The following ACACB variants were observed in gnomAD, a reference collection of about 807,000 sequenced individuals.
ACACB encodes the protein acetyl-CoA carboxylase beta.
Under a neutral mutation model 278.8 loss-of-function variants are expected in ACACB, and 209 were observed. That is an observed-to-expected ratio of 0.75 (90% confidence interval 0.67 to 0.84). ACACB has a LOEUF of 0.84. ACACB is among the 40% of genes least tolerant of loss of function. The probability of loss-of-function intolerance (pLI) is 0.00; values close to 1 mark genes in which losing one functional copy is unlikely to be tolerated. For synonymous variants in ACACB, 1,174 were observed against 1,285.6 expected (o/e 0.91, Z 1.86); for missense variants, 2,850 against 3,269.0 (o/e 0.87, Z 3.13).
Position 109,245,718 on chromosome 12 carries a change from G to A in ACACB, c.5271G>A (p.Val1757=), listed in dbSNP as rs1326290163. ...TGTTGGACTCTCAGGGCCAGCTGGTGGAGATGAACCGACTTCCTGGTGGAA... is the reference window on the plus strand; with the variant it reads ...TGTTGGACTCTCAGGGCCAGCTGGTAGAGATGAACCGACTTCCTGGTGGAA... ...ELVLDSQGQL[V]EMNRLPGGNE... Residue 1757 remains valine (V), a synonymous_variant, in exon 38 of 53, where the codon GTG becomes GTA. Transcript: ENST00000338432. 6 of 1,614,172 alleles carry A rather than the reference G, an allele frequency of 3.7e-6. No individual in the cohort carries two copies. In the African/African-American group the frequency reaches 5.3e-5, roughly 14 times the overall value.
intron 1 of ACACB, among the ~76,000 whole-genome samples, chr12:109,128,956 T>C (rs1254870279): frequency 6.6e-6 from 1 of 151,952 alleles, no homozygotes; most frequent in African/African-American, 2.4e-5. Flanking sequence ...AAATTATTAA[T>C]TGACAAATAA....
At chr12:109,194,425 A>AG (rs1423527437) in intron 16 of ACACB, among the ~76,000 whole-genome samples, 16 of 152,068 alleles carry the variant, frequency 1.1e-4, no homozygotes, top group Admixed American at 9.8e-4. Flanking sequence ...TGAACTCCTG[A>AG]GCTCAAGTGA....
rs535109760 is a variant in ACACB at position 109,231,056 on chromosome 12, A to G, written c.4002-1613A>G. ...ATGAGGAATAAAGTCTATCCCCAAG[A>G]TGGCCTGGCTTGGCCCTCAACACTT... On this transcript the variant is annotated intron_variant, in intron 28 of 52. Coordinates refer to ENST00000338432, the MANE Select transcript of ACACB (RefSeq NM_001093.4). Among the ~76,000 whole-genome samples, 174 of 152,190 alleles carry G rather than the reference A, an allele frequency of 1.1e-3. No homozygotes were observed. In the South Asian group the frequency reaches 0.018, roughly 16 times the overall value.
intron 48 of ACACB, 132 bp from the exon 49 acceptor site, chr12:109,262,225 T>G (rs866662270): frequency 1.5e-6 from 1 of 655,208 alleles, no homozygotes; most frequent in Middle Eastern, 4.2e-4. Flanking sequence ...ACAGCATGTG[T>G]GGGGGTAAAA....
chr12:109,186,158 T>C (rs566956433), intron 12 of ACACB, among the ~76,000 whole-genome samples: 96 of 152,206 alleles, frequency 6.3e-4, no homozygotes, highest in African/African-American at 2.1e-3. Flanking sequence ...CTGGAACTCC[T>C]GACCTTGAGT....
intron 4 of ACACB, among the ~76,000 whole-genome samples, chr12:109,170,790 T>C (rs74480485): frequency 1.5e-5 from 2 of 137,158 alleles, no homozygotes; most frequent in Admixed American, 1.4e-4. Context: ...AAATTTTGTG[T>C]GTGTTTTTTT....
rs928988706 is a variant in ACACB at position 109,158,198 on chromosome 12, G to A, written c.654-8663G>A. Among the ~76,000 whole-genome samples the A allele has an allele frequency of 4.6e-5, 7 of 152,230 alleles. No individual in the cohort carries two copies. The South Asian group carries it at 8.3e-4, about 18-fold the overall frequency. On this transcript the variant is annotated intron_variant, in intron 2 of 52. Transcript: ENST00000338432. ...CCAGACAGTAAATATTTTTGGCTTT[G>A]TGGCCATGTGGTCTCTGTTGTAACT...
At chr12:109,221,345 G>T (rs117578061) in intron 24 of ACACB, among the ~76,000 whole-genome samples, 7,245 of 152,228 alleles carry the variant, frequency 0.048, 227 homozygotes, top group Non-Finnish European at 0.073. Flanking sequence ...GGGAATGGGG[G>T]CATATTGCTC....
intron 45 of ACACB, among the ~76,000 whole-genome samples, chr12:109,257,983 G>A (rs1205182690): frequency 4.6e-5 from 7 of 152,210 alleles, no homozygotes; most frequent in Non-Finnish European, 1.0e-4. Flanking sequence ...AGTGCAGATG[G>A]AGAACGTGGC....
intron 20 of ACACB, 107 bp from the exon 21 acceptor site, chr12:109,209,058 G>A: frequency 7.8e-7 from 1 of 1,282,282 alleles, no homozygotes; most frequent in Non-Finnish European, 1.1e-6. Flanking sequence ...TCAGCCACTT[G>A]AGTGCATGGG....
At chr12:109,263,829 C>A (rs932550427) in intron 49 of ACACB, 6 of 156,964 alleles carry the variant, frequency 3.8e-5, no homozygotes, top group Non-Finnish European at 5.6e-5. Context: ...TTATAATATT[C>A]CCTTATCATA....
At position 109,262,442 on chromosome 12, in the gene ACACB, G is replaced by C. The variant is rs921895997; in HGVS notation, c.6760G>C (p.Ala2254Pro). The change falls in exon 49 of 53, where the codon GCT (alanine) becomes CCT (proline). Residue 2254 changes from alanine to proline, a missense_variant. Ala to Pro is a conservative substitution (Grantham distance 27, BLOSUM62 -1). Transcript: ENST00000338432. Reference protein sequence around the residue: ...LIKSMRRIDPAYKKLMEQLGE... With the variant: ...LIKSMRRIDPPYKKLMEQLGE... ...AAAGTCCATGAGAAGGATCGATCCAGCTTACAAGAAGCTCATGGAACAGCT... is the reference window on the plus strand; with the variant it reads ...AAAGTCCATGAGAAGGATCGATCCACCTTACAAGAAGCTCATGGAACAGCT... The C allele has an allele frequency of 6.2e-7, 1 of 1,613,614 alleles. No homozygotes were observed. The highest frequency in any genetic ancestry group is 1.7e-5 in the Admixed American group (1 of 59,962).
intron 13 of ACACB, among the ~76,000 whole-genome samples, chr12:109,189,654 G>A (rs16934151): frequency 0.014 from 2,162 of 152,288 alleles, 64 homozygotes; most frequent in African/African-American, 0.049. Flanking sequence ...TGAGACCAGC[G>A]GGTTAACTCT....
chr12:109,190,860 A>T (rs2044850524), intron 13 of ACACB, among the ~76,000 whole-genome samples: 1 of 151,876 alleles, frequency 6.6e-6, no homozygotes. Flanking sequence ...CTCATGCCTC[A>T]AGCAATCCTC....
chr12:109,146,856 G>A (rs2043255349), intron 2 of ACACB, among the ~76,000 whole-genome samples: 1 of 151,552 alleles, frequency 6.6e-6, no homozygotes, highest in African/African-American at 2.4e-5. Context: ...TTTATTTTTG[G>A]TAAAGATGAG....
rs1017100006 is a variant in ACACB, at chr12:109,231,018, T to G, written c.4002-1651T>G. Among the ~76,000 whole-genome samples the G allele has an allele frequency of 2.6e-5, 4 of 151,964 alleles. No homozygotes were observed. In the East Asian group the frequency reaches 7.7e-4, roughly 29 times the overall value. ...CCCCACCAACCAGCCCTTTAATGCC[T>G]CTGTAAAGGGCCATGAGGAATAAAG... On this transcript the variant is annotated intron_variant, in intron 28 of 52. Coordinates refer to ENST00000338432, the MANE Select transcript of ACACB (RefSeq NM_001093.4).
intron 18 of ACACB, among the ~76,000 whole-genome samples, chr12:109,200,867 G>C (rs2045309082): frequency 6.6e-6 from 1 of 152,230 alleles, no homozygotes; most frequent in Non-Finnish European, 1.5e-5. Flanking sequence ...AGCCCTAAGA[G>C]GTGAAACTGT....
At chr12:109,193,390 GT>G (rs993270176) in intron 15 of ACACB, among the ~76,000 whole-genome samples, 4 of 151,904 alleles carry the variant, frequency 2.6e-5, no homozygotes, top group Non-Finnish European at 4.4e-5. Context: ...GCTAATTTTT[GT>G]ATTTTTAGTA....
chr12:109,261,673 C>T (rs963052929), intron 48 of ACACB, among the ~76,000 whole-genome samples: 1 of 151,804 alleles, frequency 6.6e-6, no homozygotes, highest in Admixed American at 6.6e-5. Context: ...GAGTTCAAGA[C>T]CAGCCTGGCC....
Sources: gnomAD v4.1 joint callset for allele counts (sites outside exome capture counted in the v4.1 genomes callset) on GRCh38, gnomAD v4.1.1 for gene constraint, MANE v1.5 for transcripts, NCBI Gene and HGNC (gene_info 2026-07-23, HGNC 2026-07-21) for gene names.